Variants in CATSPERB observed in about 807,000 individuals in gnomAD.
CATSPERB encodes the protein cation channel sperm-associated auxiliary subunit beta.
A neutral mutation model predicts 128.3 loss-of-function variants in CATSPERB; 93 were observed. That is an observed-to-expected ratio of 0.72 (90% CI 0.61 to 0.86). CATSPERB has a LOEUF of 0.86. CATSPERB is among the 40% of genes least tolerant of loss of function. CATSPERB has a pLI of 0.00. For synonymous variants in CATSPERB, 381 were observed against 448.8 expected (o/e 0.85, Z 1.91); for missense variants, 1,153 against 1,329.5 (o/e 0.87, Z 2.06).
intron 7 of CATSPERB, among the ~76,000 whole-genome samples, chr14:91,703,745 G>A (rs1895690443): frequency 6.6e-6 from 1 of 152,140 alleles, no homozygotes; most frequent in African/African-American, 2.4e-5. Context: ...TCTGGACCTT[G>A]CCCAACTGTT....
chr14:91,613,591 A>T (rs1893875045), intron 20 of CATSPERB, among the ~76,000 whole-genome samples: 3 of 152,176 alleles, frequency 2.0e-5, no homozygotes, highest in Non-Finnish European at 4.4e-5. Flanking sequence ...ATCCTTGGAG[A>T]TGCTGCCCAC....
chr14:91,730,408 A>T (rs574412241), intron 1 of CATSPERB, among the ~76,000 whole-genome samples: 2 of 152,250 alleles, frequency 1.3e-5, no homozygotes, highest in East Asian at 3.9e-4. Flanking sequence ...AACCCTACAG[A>T]CACCTTGATC....
intron 20 of CATSPERB, among the ~76,000 whole-genome samples, chr14:91,615,228 C>T (rs185715011): frequency 7.9e-5 from 12 of 152,250 alleles, no homozygotes; most frequent in East Asian, 3.9e-4. Flanking sequence ...GTCACATCGG[C>T]GGCAGCATTA....
At chr14:91,588,141 C>T (rs924341946) in intron 24 of CATSPERB, 63 bp from the exon 25 acceptor site, 5 of 1,003,940 alleles carry the variant, frequency 5.0e-6, no homozygotes, top group Non-Finnish European at 7.5e-6. Flanking sequence ...TAGGTTGGTG[C>T]AAAAGTAATT....
At chr14:91,593,459 G>C (rs1893447329) in intron 22 of CATSPERB, among the ~76,000 whole-genome samples, 1 of 152,218 alleles carries the variant, frequency 6.6e-6, no homozygotes, top group Non-Finnish European at 1.5e-5. Context: ...GCATCAGCAT[G>C]ACCTGGAGTC....
At chr14:91,603,145 G>C (rs139134142) in intron 22 of CATSPERB, 2 of 784,690 alleles carry the variant, frequency 2.5e-6, no homozygotes, top group African/African-American at 3.4e-5. Flanking sequence ...ACTCTTCCTT[G>C]TATACCTTCA....
At chr14:91,586,215 C>T (rs1360210043) in intron 26 of CATSPERB, among the ~76,000 whole-genome samples, 1 of 152,126 alleles carries the variant, frequency 6.6e-6, no homozygotes, top group African/African-American at 2.4e-5. Context: ...ATAGAGATGT[C>T]CCCCCATGCT....
At chr14:91,604,466 C>T (rs568851744) in intron 22 of CATSPERB, 53 of 1,553,558 alleles carry the variant, frequency 3.4e-5, no homozygotes, top group South Asian at 3.0e-4. Flanking sequence ...TTGTGGAGTA[C>T]TAAAATACCT....
At chr14:91,583,898 C>T (rs971037981) in intron 26 of CATSPERB, among the ~76,000 whole-genome samples, 6 of 151,792 alleles carry the variant, frequency 4.0e-5, no homozygotes, top group Non-Finnish European at 7.4e-5. Flanking sequence ...CTTTTCTTGA[C>T]GGAGCTTCAC....
At chr14:91,690,557 G>T (rs771581938) in intron 10 of CATSPERB, among the ~76,000 whole-genome samples, 23 of 152,166 alleles carry the variant, frequency 1.5e-4, no homozygotes, top group Non-Finnish European at 2.9e-4. Flanking sequence ...GAGATACATA[G>T]TTTAGCTAGG....
At chr14:91,657,751 A>G (rs950700617) in intron 15 of CATSPERB, among the ~76,000 whole-genome samples, 36 of 152,346 alleles carry the variant, frequency 2.4e-4, no homozygotes, top group Middle Eastern at 3.4e-3. Flanking sequence ...CAAACGGCAG[A>G]CAGGCGTATG....
chr14:91,713,854 A>G (rs1433730111), intron 5 of CATSPERB, among the ~76,000 whole-genome samples: 2 of 152,172 alleles, frequency 1.3e-5, no homozygotes, highest in Admixed American at 1.3e-4. Context: ...CTAGAATGAA[A>G]TAAAGACATT....
chr14:91,632,883 G>A (rs1894303838), intron 17 of CATSPERB, among the ~76,000 whole-genome samples: 2 of 152,006 alleles, frequency 1.3e-5, no homozygotes, highest in South Asian at 4.1e-4. Context: ...CCTAAAGGCA[G>A]GAGATAAAAC....
At chr14:91,590,065 C>T (rs1217272948) in intron 23 of CATSPERB, among the ~76,000 whole-genome samples, 2 of 152,132 alleles carry the variant, frequency 1.3e-5, no homozygotes, top group Admixed American at 6.6e-5. Flanking sequence ...CAAAGCCAGC[C>T]CCAATGCATG....
At chr14:91,587,421 ACAT>A (rs1893322725) in intron 25 of CATSPERB, 145 bp from the exon 26 acceptor site, 1 of 428,028 alleles carries the variant, frequency 2.3e-6, no homozygotes, top group South Asian at 8.5e-5. Flanking sequence ...TCGGACATAC[ACAT>A]CATGCATCAA....
intron 17 of CATSPERB, among the ~76,000 whole-genome samples, chr14:91,634,645 A>C (rs1357032692): frequency 4.0e-5 from 5 of 126,106 alleles, no homozygotes; most frequent in African/African-American, 1.7e-4. Flanking sequence ...TGGATTTAAA[A>C]AATGTGATAT....
At chr14:91,693,361 GA>G in intron 8 of CATSPERB, 22 bp downstream of exon 8, 3 of 1,589,854 alleles carry the variant, frequency 1.9e-6, no homozygotes, top group Non-Finnish European at 2.6e-6. Context: ...TGCTCAAGAT[GA>G]AGGCAATGTT....
chr14:91,663,427 C>T (rs2750477), intron 14 of CATSPERB, among the ~76,000 whole-genome samples: 117,746 of 151,878 alleles, frequency 0.78, 45,870 homozygotes, highest in East Asian at 0.92. Context: ...AGGCGGATCA[C>T]GAGGTCAGGA....
chr14:91,708,085 A>G, intron 6 of CATSPERB, 56 bp downstream of exon 6: 7 of 1,220,256 alleles, frequency 5.7e-6, no homozygotes, highest in Non-Finnish European at 8.5e-6. Context: ...AGCGGATGTC[A>G]AAGTTTGTTG....
Sources: allele counts gnomAD v4.1 joint callset (sites outside exome capture counted in the v4.1 genomes callset), GRCh38; gene constraint gnomAD v4.1.1; transcripts MANE v1.5; gene names NCBI Gene and HGNC (gene_info 2026-07-23, HGNC 2026-07-21).